NSD1: variants seen among roughly 807,000 people sequenced by gnomAD.
NSD1 encodes nuclear receptor binding SET domain protein 1.
Under a neutral mutation model 242.7 loss-of-function variants are expected in NSD1, and 26 were observed. That is an observed-to-expected ratio of 0.11 (90% CI 0.08 to 0.15). The LOEUF is 0.15. Among genes scored for constraint, NSD1 ranks in the 10% least tolerant of loss-of-function variants. The pLI, the probability that NSD1 is intolerant of heterozygous loss-of-function variation, is 1.00. For missense variants in NSD1, 2,495 were observed against 3,272.8 expected, an observed-to-expected ratio of 0.76 and a Z score of 5.80; for synonymous variants, 1,106 against 1,178.1, an observed-to-expected ratio of 0.94 and a Z score of 1.25.
Position 177,246,848 on chromosome 5 carries a change from C to T in NSD1, c.4497+52C>T, listed in dbSNP as rs372432409. 651 of 1,259,308 alleles carry T rather than the reference C, an allele frequency of 5.2e-4. No individual in the cohort carries two copies. The highest frequency in any genetic ancestry group is 2.6e-3 in the Middle Eastern group (14 of 5,406). The allele number at this position is 1,259,308 out of a possible 1,614,324, so 78.0% of individuals were successfully genotyped here. A position where few individuals can be genotyped will look rare whatever the true frequency, so the allele number is the denominator to read the frequency against. On this transcript the variant is annotated intron_variant, in intron 10 of 22. Coordinates refer to ENST00000439151, the MANE Select transcript of NSD1 (RefSeq NM_022455.5). ...CCTTCTAAAGAGAAGCTACTTTTCACGCCAGAGGCCACATCCCTCTTTCCC... is the reference window on the plus strand; with the variant it reads ...CCTTCTAAAGAGAAGCTACTTTTCATGCCAGAGGCCACATCCCTCTTTCCC...
At chr5:177,265,754 G>C in intron 14 of NSD1, 2 of 1,517,836 alleles carry the variant, frequency 1.3e-6, no homozygotes, top group Non-Finnish European at 1.8e-6. Flanking sequence ...CTTCCAGTGC[G>C]TGTACAGGGA....
chr5:177,239,928 C>T, intron 8 of NSD1, 63 bp downstream of exon 8: 1 of 1,006,128 alleles, frequency 9.9e-7, no homozygotes, highest in Non-Finnish European at 1.6e-6. Flanking sequence ...TTAAAAATGA[C>T]ATTTTGAGTA....
chr5:177,242,514 A>ATTATTTATTTAATTAT (rs1765956143), intron 8 of NSD1, among the ~76,000 whole-genome samples: 1 of 145,492 alleles, frequency 6.9e-6, no homozygotes, highest in Non-Finnish European at 1.5e-5. Flanking sequence ...AATGGCCTTT[A>ATTATTTATTTAATTAT]TTATTTATTT....
intron 2 of NSD1, among the ~76,000 whole-genome samples, chr5:177,177,383 T>C (rs1405624954): frequency 1.3e-5 from 2 of 151,798 alleles, no homozygotes; most frequent in Non-Finnish European, 2.9e-5. Context: ...GGTGTGGTGG[T>C]GCATGTCTCC....
At chr5:177,289,981 C>A (rs1302223568) in intron 21 of NSD1, among the ~76,000 whole-genome samples, 1 of 151,572 alleles carries the variant, frequency 6.6e-6, no homozygotes, top group Admixed American at 6.6e-5. Context: ...GCGCCCGCCA[C>A]CATGCCCGGC....
At chr5:177,248,361 T>C (rs779664582) in intron 11 of NSD1, 37 bp downstream of exon 11, 5 of 1,603,540 alleles carry the variant, frequency 3.1e-6, no homozygotes, top group Non-Finnish European at 4.3e-6. Flanking sequence ...TTTCATTGCA[T>C]GTTCATCTTT....
intron 3 of NSD1, among the ~76,000 whole-genome samples, chr5:177,199,567 A>G (rs1762354588): frequency 7.1e-6 from 1 of 140,708 alleles, no homozygotes; most frequent in Admixed American, 6.9e-5. Context: ...CAGCCTTCAT[A>G]TTCAACTTAA....
chr5:177,138,090 CAAA>C (rs139439683), intron 2 of NSD1, among the ~76,000 whole-genome samples: 2 of 144,114 alleles, frequency 1.4e-5, no homozygotes, highest in Admixed American at 7.0e-5. Flanking sequence ...AAAAAAACAA[CAAA>C]AAAACAAACA....
In NSD1 at chr5:177,134,801, C is replaced by T. The variant is rs1011011208; in HGVS notation, c.-17-286C>T. On this transcript the variant is annotated intron_variant, in intron 1 of 22. Coordinates refer to ENST00000439151, the MANE Select transcript of NSD1 (RefSeq NM_022455.5). This position sits in a 1 kb window ranked among gnomAD's most constrained non-coding sequence, Gnocchi z 4.2. ...TTTGAGAATTGGGAATTTTGACGGG[C>T]AGAGGGGTTTTAATTTTAGTTCATC... is the stretch of plus-strand genomic sequence containing the variant. Among the ~76,000 whole-genome samples the T allele has an allele frequency of 6.6e-6, 1 of 152,148 alleles. No individual in the cohort carries two copies. The highest frequency in any genetic ancestry group is 2.4e-5 in the African/African-American group (1 of 41,412).
intron 3 of NSD1, among the ~76,000 whole-genome samples, chr5:177,201,719 C>T (rs149053102): frequency 3.2e-4 from 49 of 151,454 alleles, no homozygotes; most frequent in African/African-American, 9.9e-4. Flanking sequence ...GCACCACGCC[C>T]GGCTACTTTT....
chr5:177,166,435 C>G (rs1046970604), intron 2 of NSD1, among the ~76,000 whole-genome samples: 4 of 151,690 alleles, frequency 2.6e-5, no homozygotes, highest in African/African-American at 7.3e-5. Flanking sequence ...GTAGTCTGAG[C>G]TACTGGGGAG....
At chr5:177,182,045 G>A (rs1760734202) in intron 2 of NSD1, among the ~76,000 whole-genome samples, 1 of 151,860 alleles carries the variant, frequency 6.6e-6, no homozygotes, top group Admixed American at 6.6e-5. Context: ...CTAGCTACTC[G>A]GGAGGCCGAG....
intron 2 of NSD1, chr5:177,137,265 A>T (rs1176424330): frequency 4.8e-6 from 1 of 206,952 alleles, no homozygotes; most frequent in Non-Finnish European, 9.5e-6. Flanking sequence ...GCCCAAACAC[A>T]TTGTTTGGTC....
chr5:177,219,437 C>T (rs978655268), intron 5 of NSD1, among the ~76,000 whole-genome samples: 8 of 151,500 alleles, frequency 5.3e-5, no homozygotes, highest in East Asian at 2.0e-4. Context: ...CTCCTGTCTC[C>T]GCCTCCCAAA....
At chr5:177,184,374 T>C (rs1313714426) in intron 2 of NSD1, among the ~76,000 whole-genome samples, 1 of 152,252 alleles carries the variant, frequency 6.6e-6, no homozygotes, top group Non-Finnish European at 1.5e-5. Flanking sequence ...TCAGTGATAC[T>C]GAGCACCTTG....
intron 14 of NSD1, chr5:177,265,519 C>A: frequency 1.4e-6 from 1 of 722,786 alleles, no homozygotes; most frequent in Non-Finnish European, 2.4e-6. Context: ...GCCCCACAAC[C>A]GTCTAGGAAT....
Position 177,210,131 on chromosome 5 carries a change from G to T in NSD1, c.1732G>T (p.Ala578Ser). 6.2e-7 allele frequency: 1 copy of T among 1,613,444 alleles called. No individual in the cohort carries two copies. The highest frequency in any genetic ancestry group is 1.1e-5 in the South Asian group (1 of 90,922). Residue 578 changes from alanine to serine, a missense_variant, in exon 5 of 23, where the codon GCA becomes TCA. Ala to Ser is a moderately conservative substitution (Grantham distance 99). Around this residue, in one of 19 missense-constraint regions of NSD1, gnomAD observed 515 missense variants for 467.0 expected, o/e 1.10. Transcript: ENST00000439151. ...GTTTTCTTCCTGTGGAAAAAACACTGCAAAGAAAGAATTTGAGACTTCAAA... is the reference window on the plus strand; with the variant it reads ...GTTTTCTTCCTGTGGAAAAAACACTTCAAAGAAAGAATTTGAGACTTCAAA... The part of the protein sequence containing the change: ...FLFSSCGKNT[A>S]KKEFETSNGD...
chr5:177,209,256 G>A (rs1024610053), intron 4 of NSD1, among the ~76,000 whole-genome samples: 2 of 151,750 alleles, frequency 1.3e-5, no homozygotes, highest in East Asian at 2.0e-4. Context: ...GGCCGGGTGC[G>A]GTGGCTCATA....
At chr5:177,197,202 G>A (rs1762165823) in intron 3 of NSD1, among the ~76,000 whole-genome samples, 1 of 151,384 alleles carries the variant, frequency 6.6e-6, no homozygotes, top group Non-Finnish European at 1.5e-5. Context: ...CTTGGGAGGT[G>A]GAAGTTGCAA....
Sources: allele counts gnomAD v4.1 joint callset (sites outside exome capture counted in the v4.1 genomes callset), GRCh38; gene constraint gnomAD v4.1.1; regional missense constraint gnomAD v4.1.1; non-coding constraint Gnocchi (gnomAD v3.1); transcripts MANE v1.5; gene names NCBI Gene and HGNC (gene_info 2026-07-23, HGNC 2026-07-21).